Variants in DAP observed in about 807,000 individuals in gnomAD.
The protein encoded by DAP is death-associated protein 1.
In DAP, 8 loss-of-function variants were observed where a neutral mutation model predicts 13.8. That is an observed-to-expected ratio of 0.58 (90% CI 0.34 to 1.05). DAP has a LOEUF of 1.05. Ranked by LOEUF, DAP falls within the 50% of genes least tolerant of loss-of-function variation. DAP has a pLI of 0.03. For missense variants in DAP, 106 were observed against 133.2 expected (o/e 0.80, Z 1.01); for synonymous variants, 47 against 47.5 (o/e 0.99, Z 0.04).
At chr5:10,692,488 A>G (rs1168160546) in intron 2 of DAP, among the ~76,000 whole-genome samples, 1 of 152,118 alleles carries the variant, frequency 6.6e-6, no homozygotes, top group Non-Finnish European at 1.5e-5. Context: ...GTCTCCCTGC[A>G]CTTAGTCCAG....
intron 2 of DAP, among the ~76,000 whole-genome samples, chr5:10,703,236 A>T (rs1470552774): frequency 6.6e-6 from 1 of 152,230 alleles, no homozygotes. Flanking sequence ...ACACAGTAAG[A>T]TGTTTTTCCC....
intron 3 of DAP, 34 bp downstream of exon 3, chr5:10,683,495 G>A (rs778240742): frequency 1.9e-6 from 3 of 1,609,812 alleles, no homozygotes; most frequent in Admixed American, 1.7e-5. Context: ...CCATGCAAAA[G>A]CCTCAAACCC....
At chr5:10,749,892 C>T (rs954744580) in intron 1 of DAP, among the ~76,000 whole-genome samples, 1 of 152,114 alleles carries the variant, frequency 6.6e-6, no homozygotes, top group Admixed American at 6.5e-5. Context: ...TTGGGGTCGG[C>T]ACGTTCCTCC....
At chr5:10,685,843 CT>C (rs1054994301) in intron 2 of DAP, among the ~76,000 whole-genome samples, 2 of 152,186 alleles carry the variant, frequency 1.3e-5, no homozygotes, top group African/African-American at 4.8e-5. Flanking sequence ...AGGGAATTAG[CT>C]TCCTCACCAA....
chr5:10,681,894 G>C (rs141091004), intron 3 of DAP, among the ~76,000 whole-genome samples: 1 of 149,486 alleles, frequency 6.7e-6, no homozygotes, highest in Non-Finnish European at 1.5e-5. Context: ...CCAGACCAGC[G>C]CCCACCAGCA....
intron 2 of DAP, among the ~76,000 whole-genome samples, chr5:10,738,826 C>T (rs17831254): frequency 0.059 from 8,981 of 152,222 alleles, 304 homozygotes; most frequent in South Asian, 0.082. Flanking sequence ...CACACTAAAG[C>T]ATTCCAGAGT....
At chr5:10,714,244 C>T (rs928434664) in intron 2 of DAP, among the ~76,000 whole-genome samples, 5 of 152,234 alleles carry the variant, frequency 3.3e-5, no homozygotes, top group African/African-American at 1.2e-4. Flanking sequence ...TCTTTATCTC[C>T]ACTGACATCT....
intron 1 of DAP, among the ~76,000 whole-genome samples, chr5:10,755,505 C>G (rs1740159778): frequency 6.6e-6 from 1 of 150,612 alleles, no homozygotes; most frequent in African/African-American, 2.4e-5. Context: ...AGCACGGCGA[C>G]CTACACTTGT....
chr5:10,691,629 G>T (rs1393608454), intron 2 of DAP, among the ~76,000 whole-genome samples: 2 of 152,138 alleles, frequency 1.3e-5, no homozygotes, highest in Non-Finnish European at 2.9e-5. Context: ...ATGCTGTTTT[G>T]AAGATGCAAC....
At chr5:10,697,615 TG>T (rs1579790670) in intron 2 of DAP, among the ~76,000 whole-genome samples, 1 of 152,184 alleles carries the variant, frequency 6.6e-6, no homozygotes, top group East Asian at 1.9e-4. Context: ...TGGGTGTCCA[TG>T]GTTCAAAGTA....
At chr5:10,713,300 T>C (rs1738897855) in intron 2 of DAP, among the ~76,000 whole-genome samples, 1 of 152,224 alleles carries the variant, frequency 6.6e-6, no homozygotes, top group African/African-American at 2.4e-5. Context: ...GTTCTGTGGC[T>C]AACCAAGTCT....
chr5:10,712,289 A>G (rs1738873011), intron 2 of DAP, among the ~76,000 whole-genome samples: 1 of 151,944 alleles, frequency 6.6e-6, no homozygotes, highest in Non-Finnish European at 1.5e-5. Flanking sequence ...ATGCTGTTTC[A>G]TCCACCCAGT....
chr5:10,680,021 A>C lies in DAP; in HGVS notation c.*1035T>G, dbSNP rs1334378968. The C allele has an allele frequency of 3.3e-5, 5 of 152,558 alleles. No homozygotes were observed. Among genetic ancestry groups the C allele is most frequent in the African/African-American group, 1.2e-4 (5 of 41,458 alleles). 9.5% of individuals were successfully genotyped at this position (152,558 alleles called of 1,614,324 possible). On this transcript the variant is annotated 3_prime_UTR_variant, in exon 4 of 4. Transcript: ENST00000230895. ...CATCTCTAGACAGGAAACTCATCTAAAAATCGGAGGACAACCTGATGCACC... is the reference window on the plus strand; with the variant it reads ...CATCTCTAGACAGGAAACTCATCTACAAATCGGAGGACAACCTGATGCACC...
chr5:10,736,587 T>C (rs1579813827), intron 2 of DAP, among the ~76,000 whole-genome samples: 1 of 152,186 alleles, frequency 6.6e-6, no homozygotes, highest in East Asian at 1.9e-4. Flanking sequence ...GCCGCCCAAG[T>C]TGCCACAGGC....
chr5:10,710,679 AGGACG>A (rs1738826358), intron 2 of DAP, among the ~76,000 whole-genome samples: 1 of 152,232 alleles, frequency 6.6e-6, no homozygotes. Context: ...CCCTGAAGGC[AGGACG>A]TGCCTTGACT....
intron 2 of DAP, among the ~76,000 whole-genome samples, chr5:10,688,040 A>G (rs758699221): frequency 2.6e-5 from 4 of 151,340 alleles, no homozygotes; most frequent in Admixed American, 1.3e-4. Context: ...CTCAGCCTCC[A>G]GAGTAGCTGG....
chr5:10,732,242 G>A (rs1196949648), intron 2 of DAP, among the ~76,000 whole-genome samples: 1 of 152,180 alleles, frequency 6.6e-6, no homozygotes, highest in African/African-American at 2.4e-5. Flanking sequence ...ACAATTTAGT[G>A]GCTTTTAATA....
intron 2 of DAP, among the ~76,000 whole-genome samples, chr5:10,697,760 C>CGAGGCAGTTGAGAA: frequency 6.6e-6 from 1 of 152,192 alleles, no homozygotes; most frequent in Admixed American, 6.5e-5. Flanking sequence ...CCAATACAGA[C>CGAGGCAGTTGAGAA]ACCAAAAAAC....
intron 2 of DAP, among the ~76,000 whole-genome samples, chr5:10,706,304 A>G (rs1738698799): frequency 6.6e-6 from 1 of 152,236 alleles, no homozygotes; most frequent in African/African-American, 2.4e-5. Context: ...GAGACACATT[A>G]ACTCATGTAA....
Sources: gnomAD v4.1 joint callset for allele counts (sites outside exome capture counted in the v4.1 genomes callset) on GRCh38, gnomAD v4.1.1 for gene constraint, MANE v1.5 for transcripts, NCBI Gene and HGNC (gene_info 2026-07-23, HGNC 2026-07-21) for gene names.